The following ZNF540 variants were observed in gnomAD, a reference collection of about 807,000 sequenced individuals.
ZNF540 encodes the protein CTD-3064H18.6.
ZNF540 carries 3 observed loss-of-function variants against 11.8 expected under a neutral mutation model. The ratio of observed to expected loss-of-function variants is 0.25; its 90% CI spans 0.12 to 0.65. ZNF540 has a LOEUF of 0.65. Among genes scored for constraint, ZNF540 ranks in the 30% least tolerant of loss-of-function variants. ZNF540 has a pLI of 0.83. For synonymous variants in ZNF540, 247 were observed against 259.0 expected, an observed-to-expected ratio of 0.95 and a Z score of 0.45; for missense variants, 709 against 793.1, an observed-to-expected ratio of 0.89 and a Z score of 1.27.
At chr19:37,593,002 G>A (rs191717764), upstream of ZNF540, among the ~76,000 whole-genome samples, 1 of 152,228 alleles carries the variant, frequency 6.6e-6, no homozygotes, top group East Asian at 1.9e-4. Flanking sequence ...CACACCTATT[G>A]TAAAAATATG....
At chr19:37,597,904 C>T (rs1469167003) in intron 1 of ZNF540, among the ~76,000 whole-genome samples, 1 of 152,206 alleles carries the variant, frequency 6.6e-6, no homozygotes. Context: ...AACATATGGG[C>T]GGGCCAGATT....
Position 37,614,097 on chromosome 19 carries a change from C to A in ZNF540, c.*834C>A. On this transcript the variant is annotated 3_prime_UTR_variant, in exon 5 of 5. Transcript: ENST00000316433. ...GAAATAAACCTCAGTTGTTTATAAGCCACTGAGTCTACGATATTTTGTTAT... is the reference window on the plus strand; with the variant it reads ...GAAATAAACCTCAGTTGTTTATAAGACACTGAGTCTACGATATTTTGTTAT... The A allele has an allele frequency of 2.6e-6, 1 of 380,230 alleles. No individual in the cohort carries two copies. The highest frequency in any genetic ancestry group is 3.8e-5 in the East Asian group (1 of 26,598). The allele number at this position is 380,230 out of a possible 1,614,324, so 23.6% of individuals were successfully genotyped here. A position where few individuals can be genotyped will look rare whatever the true frequency, so the allele number is the denominator to read the frequency against.
chr19:37,565,366 CTGA>C (rs746363288), intron 1 of ZNF540: 35 of 1,613,666 alleles, frequency 2.2e-5, no homozygotes, highest in Middle Eastern at 1.6e-4. Context: ...TATGAATTCT[CTGA>C]TGTTCATTCA....
chr19:37,570,650 T>C (rs2043018716), intron 1 of ZNF540, among the ~76,000 whole-genome samples: 1 of 152,216 alleles, frequency 6.6e-6, no homozygotes, highest in African/African-American at 2.4e-5. Flanking sequence ...AGGACTTTCA[T>C]TTCCTGTTGT....
intron 1 of ZNF540, among the ~76,000 whole-genome samples, chr19:37,572,889 G>A (rs568910342): frequency 6.7e-6 from 1 of 150,132 alleles, no homozygotes; most frequent in African/African-American, 2.5e-5. Flanking sequence ...ATTCATTCAG[G>A]GCAAGAAATA....
chr19:37,597,922 T>C (rs2044008997), intron 1 of ZNF540, among the ~76,000 whole-genome samples: 1 of 152,258 alleles, frequency 6.6e-6, no homozygotes, highest in Non-Finnish European at 1.5e-5. Flanking sequence ...ATTTGGCCCA[T>C]GGGCCATAGG....
intron 1 of ZNF540, among the ~76,000 whole-genome samples, chr19:37,554,166 C>T (rs547167438): frequency 8.5e-5 from 13 of 152,226 alleles, no homozygotes; most frequent in African/African-American, 1.2e-4. Flanking sequence ...CTCAAGCAGG[C>T]CCTGGTGTTT....
chr19:37,581,570 T>C (rs1343393740), intron 1 of ZNF540, among the ~76,000 whole-genome samples: 1 of 151,314 alleles, frequency 6.6e-6, no homozygotes, highest in African/African-American at 2.4e-5. Context: ...GCTCAAATGA[T>C]CCTCCCAACT....
chr19:37,606,523 C>T (rs777445591), intron 4 of ZNF540, among the ~76,000 whole-genome samples: 9 of 152,162 alleles, frequency 5.9e-5, no homozygotes, highest in Non-Finnish European at 1.2e-4. Flanking sequence ...CTACCTATAT[C>T]GGTGTACCTT....
chr19:37,612,741 A>G lies in ZNF540; in HGVS notation c.1461A>G (p.Lys487=). The change falls in exon 5 of 5, where the codon AAA becomes AAG. Residue 487 remains lysine (K), a synonymous_variant. Coordinates refer to ENST00000316433, the MANE Select transcript of ZNF540 (RefSeq NM_001172225.3). ...GTTCTCAAATTAGTCTACATAAGAA[A>G]ATTCATACTGATGTGAAGCCCTACA... ...RVRSQISLHK[K]IHTDVKPYKC... 6.2e-7 allele frequency: 1 copy of G among 1,614,122 alleles called. No homozygotes were observed. Among genetic ancestry groups the G allele is most frequent in the Non-Finnish European group, 8.5e-7 (1 of 1,179,984 alleles).
chr19:37,612,526 T>C lies in ZNF540; in HGVS notation c.1246T>C (p.Cys416Arg). 1.2e-6 allele frequency: 2 copies of C among 1,614,092 alleles called. No individual in the cohort carries two copies. The highest frequency in any genetic ancestry group is 4.5e-5 in the East Asian group (2 of 44,870). The stretch of plus-strand genomic sequence containing the variant: ...TATAAAACCTTTTGCATGTAAGGTG[T>C]GTGAGAAGGCTTTTAGTTATAGTGG... ...TGIKPFACKV[C>R]EKAFSYSGDL... Residue 416 changes from cysteine (C) to arginine (R), a missense_variant, in exon 5 of 5, where the codon TGT becomes CGT. Cys to Arg is a radical substitution (Grantham distance 180, BLOSUM62 -3). Transcript: ENST00000316433.
intron 1 of ZNF540, among the ~76,000 whole-genome samples, chr19:37,561,074 A>AAAAAAAAAAAAAAAAG (rs57590004): frequency 7.4e-6 from 1 of 135,776 alleles, no homozygotes. Context: ...AAAAAAAAAA[A>AAAAAAAAAAAAAAAAG]GAAAGAAAAA....
intron 4 of ZNF540, among the ~76,000 whole-genome samples, chr19:37,606,050 A>G (rs1316389044): frequency 2.0e-5 from 3 of 152,114 alleles, no homozygotes; most frequent in Admixed American, 1.3e-4. Flanking sequence ...CACCCCCAAA[A>G]CTTCCCTTGT....
At chr19:37,573,490 G>C (rs1226275037) in intron 1 of ZNF540, among the ~76,000 whole-genome samples, 1 of 152,076 alleles carries the variant, frequency 6.6e-6, no homozygotes, top group Non-Finnish European at 1.5e-5. Context: ...CACAATAGCT[G>C]TAACAAGAAT....
Position 37,612,161 on chromosome 19 carries a change from C to T in ZNF540, c.881C>T (p.Thr294Ile), listed in dbSNP as rs763824475. The T allele has an allele frequency of 4.3e-6, 7 of 1,611,362 alleles. No homozygotes were observed. In the East Asian group the frequency reaches 1.3e-4, roughly 31 times the overall value. The change falls in exon 5 of 5, where the codon ACT (threonine) becomes ATT (isoleucine). Residue 294 changes from threonine (T) to isoleucine (I), a missense_variant. Thr to Ile is a moderately conservative substitution (Grantham distance 89). Transcript: ENST00000316433. Reference sequence around the variant, plus strand: ...CTTACTCAACATAAAAGAATTCATACTGGTAAGAAATCTTATGAATGTAAA... The same window carrying T: ...CTTACTCAACATAAAAGAATTCATATTGGTAAGAAATCTTATGAATGTAAA... ...LELTQHKRIH[T>I]GKKSYECKEC...
At chr19:37,561,131 C>G (rs2042713377) in intron 1 of ZNF540, among the ~76,000 whole-genome samples, 1 of 149,564 alleles carries the variant, frequency 6.7e-6, no homozygotes, top group Admixed American at 6.7e-5. Context: ...GTCCCAGCTA[C>G]TTGGAAGGTT....
intron 1 of ZNF540, chr19:37,555,728 T>G: frequency 5.0e-6 from 3 of 604,588 alleles, no homozygotes; most frequent in Non-Finnish European, 8.8e-6. Context: ...GACCAGGATT[T>G]TTTGGATGGT....
At chr19:37,610,733 A>G (rs1235608413) in intron 4 of ZNF540, among the ~76,000 whole-genome samples, 3 of 152,188 alleles carry the variant, frequency 2.0e-5, no homozygotes, top group African/African-American at 7.2e-5. Flanking sequence ...GTAACCAAAG[A>G]CCATATTATA....
chr19:37,564,410 CATTAT>C, intron 1 of ZNF540: 1 of 429,662 alleles, frequency 2.3e-6, no homozygotes. Context: ...TATAATTCAG[CATTAT>C]ATTCTAGCGT....
Sources: allele counts gnomAD v4.1 joint callset (sites outside exome capture counted in the v4.1 genomes callset), GRCh38; gene constraint gnomAD v4.1.1; transcripts MANE v1.5; gene names NCBI Gene and HGNC (gene_info 2026-07-23, HGNC 2026-07-21).